The following DMXL1 variants were observed in gnomAD, a reference collection of about 807,000 sequenced individuals.
The protein encoded by DMXL1 is dmX-like protein 1.
Under a neutral mutation model 319.2 loss-of-function variants are expected in DMXL1, and 99 were observed. That is an observed-to-expected ratio of 0.31 (90% confidence interval 0.26 to 0.37). DMXL1 has a LOEUF of 0.37. DMXL1 is among the 10% of genes least tolerant of loss of function. The probability of loss-of-function intolerance (pLI) is 1.00; values close to 1 mark genes in which losing one functional copy is unlikely to be tolerated. For synonymous variants in DMXL1, 1,385 were observed against 1,235.2 expected (o/e 1.12, Z -2.54); for missense variants, 3,745 against 3,595.6 (o/e 1.04, Z -1.06).
At chr5:119,100,431 G>A (rs546969195) in intron 2 of DMXL1, among the ~76,000 whole-genome samples, 87 of 147,918 alleles carry the variant, frequency 5.9e-4, no homozygotes, top group Non-Finnish European at 9.5e-4. Flanking sequence ...GTGAGACTCC[G>A]TCTCATAAAA....
chr5:119,218,757 C>A (rs1228722650), intron 35 of DMXL1, among the ~76,000 whole-genome samples: 2 of 152,234 alleles, frequency 1.3e-5, no homozygotes, highest in Admixed American at 1.3e-4. Context: ...CTGCACCCAG[C>A]TGATATGCTA....
At chr5:119,234,841 T>C (rs1342145209) in intron 39 of DMXL1, among the ~76,000 whole-genome samples, 2 of 152,124 alleles carry the variant, frequency 1.3e-5, no homozygotes, top group African/African-American at 4.8e-5. Context: ...CACATTATTA[T>C]TTTTTTCAAG....
intron 19 of DMXL1, among the ~76,000 whole-genome samples, chr5:119,152,342 T>A (rs1769992863): frequency 2.6e-5 from 4 of 151,364 alleles, no homozygotes; most frequent in Admixed American, 1.3e-4. Flanking sequence ...TTCTTTAGAT[T>A]GTCTTTTCTC....
intron 41 of DMXL1, among the ~76,000 whole-genome samples, chr5:119,239,721 C>T (rs1788404399): frequency 1.3e-5 from 2 of 151,842 alleles, no homozygotes; most frequent in South Asian, 2.1e-4. Flanking sequence ...TTTGGGAGGC[C>T]GAGGTGGGCG....
rs944396153 is a variant in DMXL1 at position 119,086,207 on chromosome 5, G to A, written c.88-11772G>A. 2.6e-5 allele frequency among the ~76,000 whole-genome samples: 4 copies of A among 152,242 alleles called. No homozygotes were observed. The South Asian group carries it at 6.2e-4, about 24-fold the overall frequency. ...TCCCCTTATGAAACCATCAGATCTC[G>A]TGAGACTTATTCACTACCGTGAAAA... On this transcript the variant is annotated intron_variant, in intron 1 of 43. Transcript: ENST00000539542.
At chr5:119,234,969 CA>C (rs1787467280) in intron 39 of DMXL1, among the ~76,000 whole-genome samples, 1 of 152,094 alleles carries the variant, frequency 6.6e-6, no homozygotes, top group South Asian at 2.1e-4. Flanking sequence ...TTTTAAGGCA[CA>C]AAAAACTGCT....
At position 119,195,417 on chromosome 5, in the gene DMXL1, G is replaced by C. The variant is rs149559487; in HGVS notation, c.7458-954G>C. Among the ~76,000 whole-genome samples, 930 of 152,112 alleles carry C rather than the reference G, an allele frequency of 6.1e-3. 11 individuals are homozygous for C. The highest frequency in any genetic ancestry group is 0.021 in the African/African-American group (878 of 41,416). On this transcript the variant is annotated intron_variant, in intron 30 of 43. Transcript: ENST00000539542. ...TTCAACGGAGTATTATTCAGCCTTA[G>C]GAAGGAAATTCTGACACATGCTGCA...
chr5:119,086,772 TA>T (rs1753466272), intron 1 of DMXL1, among the ~76,000 whole-genome samples: 1 of 151,786 alleles, frequency 6.6e-6, no homozygotes, highest in Non-Finnish European at 1.5e-5. Flanking sequence ...AGAGTTTGAG[TA>T]GAGTTGGTAT....
intron 9 of DMXL1, among the ~76,000 whole-genome samples, chr5:119,121,939 G>C (rs1382758578): frequency 8.8e-5 from 13 of 148,458 alleles, no homozygotes; most frequent in African/African-American, 3.2e-4. Flanking sequence ...CTCCCGGACG[G>C]GGCGGCTGGC....
chr5:119,201,381 A>G (rs1438670666), intron 32 of DMXL1, among the ~76,000 whole-genome samples: 1 of 152,078 alleles, frequency 6.6e-6, no homozygotes, highest in East Asian at 1.9e-4. Flanking sequence ...GTTGATTTGC[A>G]TATGTTGAAC....
chr5:119,234,017 A>C (rs984150200), intron 39 of DMXL1, among the ~76,000 whole-genome samples: 6 of 152,222 alleles, frequency 3.9e-5, no homozygotes, highest in Admixed American at 1.3e-4. Context: ...TTCTTTGGCT[A>C]CTTCCTACTA....
At chr5:119,111,182 A>C (rs1189080067) in intron 5 of DMXL1, among the ~76,000 whole-genome samples, 1 of 148,920 alleles carries the variant, frequency 6.7e-6, no homozygotes, top group Non-Finnish European at 1.5e-5. Context: ...AACAAATGTG[A>C]GATGGAAAAA....
rs758312462 is a variant in DMXL1 at position 119,173,776 on chromosome 5, G to GTATATATATA, written c.6682-1472_6682-1463dup. On this transcript the variant is annotated intron_variant, in intron 25 of 43. Transcript: ENST00000539542. Reference sequence around the variant, plus strand: ...TGTGTATATATATATATGTGTGTGTGTATATATATATATATATATATAATG... The same window carrying GTATATATATA: ...TGTGTATATATATATATGTGTGTGTGTATATATATATATATATATATATATATATATAATG... 9.2e-3 allele frequency among the ~76,000 whole-genome samples: 616 copies of GTATATATATA among 67,150 alleles called. 87 individuals carry two copies. Among genetic ancestry groups the GTATATATATA allele is most frequent in the Admixed American group, 0.078 (468 of 5,976 alleles). 44.1% of individuals were successfully genotyped at this position (67,150 alleles called of 152,430 possible).
At position 119,121,135 on chromosome 5, in the gene DMXL1, C is replaced by G. The variant is rs1761951835; in HGVS notation, c.1098C>G (p.Ala366=). The G allele has an allele frequency of 6.2e-7, 1 of 1,600,842 alleles. No individual in the cohort carries two copies. Among genetic ancestry groups the G allele is most frequent in the South Asian group, 1.1e-5 (1 of 88,216 alleles). The change falls in exon 9 of 44, where the codon GCC becomes GCG. Residue 366 remains alanine (A), a synonymous_variant. Transcript: ENST00000539542. ...ATATTGCAGCCAGCATCAACCCAGC[C>G]ACAGGTAATGAAACATTGTTCAAAA... ...HFHIAASINP[A]TDIPLLPSIT... is the part of the protein sequence containing the mutation.
chr5:119,091,545 A>G (rs568838259), intron 1 of DMXL1, among the ~76,000 whole-genome samples: 1 of 152,078 alleles, frequency 6.6e-6, no homozygotes, highest in Non-Finnish European at 1.5e-5. Flanking sequence ...ATGTCTTTGC[A>G]TTTATGGATT....
intron 38 of DMXL1, among the ~76,000 whole-genome samples, chr5:119,229,260 C>A (rs754227536): frequency 3.3e-5 from 5 of 151,130 alleles, no homozygotes; most frequent in African/African-American, 4.9e-5. Context: ...TAATCAAAGA[C>A]CTAAAAAGAC....
intron 10 of DMXL1, among the ~76,000 whole-genome samples, chr5:119,130,238 T>C (rs1167384527): frequency 2.0e-5 from 3 of 152,188 alleles, no homozygotes; most frequent in Non-Finnish European, 4.4e-5. Context: ...CCAGTTTGAT[T>C]CTTTGCTTAT....
At chr5:119,236,394 G>A (rs773263568) in intron 39 of DMXL1, 2 of 151,934 alleles carry the variant, frequency 1.3e-5, no homozygotes, top group Non-Finnish European at 2.9e-5. Context: ...TGTATATATA[G>A]GAATGTTCAA....
rs146913881 is a variant in DMXL1 at position 119,222,229 on chromosome 5, C to G, written c.8277+1148C>G. Among the ~76,000 whole-genome samples, 67 of 152,202 alleles carry G rather than the reference C, an allele frequency of 4.4e-4. No homozygotes were observed. The East Asian group carries it at 0.013, about 29-fold the overall frequency. ...GTATTTAAACATTCTTCAGATGAAG[C>G]TTGAGATCCAAAAAGGTCAAGTGGA... On this transcript the variant is annotated intron_variant, in intron 37 of 43. Transcript: ENST00000539542.
Sources: allele counts gnomAD v4.1 joint callset (sites outside exome capture counted in the v4.1 genomes callset), GRCh38; gene constraint gnomAD v4.1.1; transcripts MANE v1.5; gene names NCBI Gene and HGNC (gene_info 2026-07-23, HGNC 2026-07-21).